RCAN2: variants seen among roughly 807,000 people sequenced by gnomAD.
RCAN2 encodes the protein calcipressin-2.
RCAN2 carries 9 observed loss-of-function variants against 23.6 expected under a neutral mutation model. The ratio of observed to expected loss-of-function variants is 0.38; its 90% confidence interval spans 0.23 to 0.67. The LOEUF (loss-of-function observed/expected upper bound fraction) is 0.67. RCAN2 is among the 30% of genes least tolerant of loss of function. RCAN2 has a pLI of 0.51. For missense variants in RCAN2, 273 were observed against 302.3 expected (o/e 0.90, Z 0.72); for synonymous variants, 109 against 115.7 (o/e 0.94, Z 0.37).
In RCAN2 at chr6:46,287,468, C is replaced by G. The variant is rs78911319; in HGVS notation, c.226-38572G>C. On this transcript the variant is annotated intron_variant, in intron 2 of 4. Coordinates refer to ENST00000371374, the MANE Select transcript of RCAN2 (RefSeq NM_001251974.2). Reference sequence around the variant, plus strand: ...CTCTTTTTCCCTCTGTGCTACCCCCCACTTCCCAAAATACACACACGTCTT... The same window carrying G: ...CTCTTTTTCCCTCTGTGCTACCCCCGACTTCCCAAAATACACACACGTCTT... 2.4e-3 allele frequency among the ~76,000 whole-genome samples: 359 copies of G among 152,318 alleles called. 4 individuals are homozygous for G. Among genetic ancestry groups the G allele is most frequent in the African/African-American group, 8.3e-3 (345 of 41,578 alleles).
At chr6:46,447,607 G>A (rs780328448) in intron 2 of RCAN2, among the ~76,000 whole-genome samples, 1 of 151,716 alleles carries the variant, frequency 6.6e-6, no homozygotes. Flanking sequence ...GCACAAAAAG[G>A]TCTTAACAAA....
chr6:46,263,125 T>C (rs1382434029), intron 2 of RCAN2, among the ~76,000 whole-genome samples: 1 of 152,244 alleles, frequency 6.6e-6, no homozygotes, highest in African/African-American at 2.4e-5. Flanking sequence ...GCCTACACTT[T>C]GGAAAGGGCT....
chr6:46,458,896 C>CACGCGT lies in RCAN2; in HGVS notation c.-2-1919_-2-1918insACGCGT, dbSNP rs139673559. On this transcript the variant is annotated intron_variant, in intron 1 of 4. Transcript: ENST00000371374. The stretch of plus-strand genomic sequence containing the variant: ...TAGTTTACAGGAAAACGCGCGCGCA[C>CACGCGT]GTGTGTGTGTGTGTGATGGAGTTTT... Among the ~76,000 whole-genome samples the CACGCGT allele has an allele frequency of 2.7e-5, 4 of 150,134 alleles. No individual in the cohort carries two copies. In the South Asian group the frequency reaches 6.4e-4, roughly 24 times the overall value.
chr6:46,376,818 T>A (rs957309053), intron 2 of RCAN2, among the ~76,000 whole-genome samples: 1 of 152,042 alleles, frequency 6.6e-6, no homozygotes, highest in African/African-American at 2.4e-5. Flanking sequence ...GTGGGCTACA[T>A]CTGTAACAGA....
intron 2 of RCAN2, among the ~76,000 whole-genome samples, chr6:46,414,363 G>A (rs1766639989): frequency 6.6e-6 from 1 of 152,182 alleles, no homozygotes; most frequent in Non-Finnish European, 1.5e-5. Context: ...GAGTGCAAAG[G>A]TGGGAAAGTT....
chr6:46,285,468 A>G (rs1039909869), intron 2 of RCAN2, among the ~76,000 whole-genome samples: 7 of 152,328 alleles, frequency 4.6e-5, no homozygotes, highest in South Asian at 4.1e-4. Flanking sequence ...CAAAGTCGCA[A>G]ATAAAGAGGT....
chr6:46,242,867 T>C (rs1390804405), intron 4 of RCAN2, among the ~76,000 whole-genome samples: 1 of 152,232 alleles, frequency 6.6e-6, no homozygotes. Context: ...TCTGGTCTAT[T>C]CCTTCGTTCA....
intron 1 of RCAN2, among the ~76,000 whole-genome samples, chr6:46,462,214 C>A (rs1167750688): frequency 1.3e-5 from 2 of 152,012 alleles, no homozygotes; most frequent in Non-Finnish European, 2.9e-5. Flanking sequence ...TGGGTGAAGA[C>A]CCTATTAGGA....
intron 2 of RCAN2, among the ~76,000 whole-genome samples, chr6:46,253,181 C>T (rs1401642096): frequency 6.6e-6 from 1 of 152,120 alleles, no homozygotes; most frequent in African/African-American, 2.4e-5. Flanking sequence ...TGATTTTTGC[C>T]ATTACTTTTA....
At chr6:46,412,625 C>A (rs1766579728) in intron 2 of RCAN2, among the ~76,000 whole-genome samples, 1 of 152,216 alleles carries the variant, frequency 6.6e-6, no homozygotes, top group Non-Finnish European at 1.5e-5. Context: ...AAGTCAAGAG[C>A]TTTGAGAAGG....
chr6:46,470,927 C>T (rs1768539896), intron 1 of RCAN2, among the ~76,000 whole-genome samples: 1 of 152,214 alleles, frequency 6.6e-6, no homozygotes, highest in African/African-American at 2.4e-5. Flanking sequence ...TCCTCATTCA[C>T]CTCATTCACC....
At chr6:46,479,973 T>A (rs1483641969) in intron 1 of RCAN2, among the ~76,000 whole-genome samples, 1 of 152,200 alleles carries the variant, frequency 6.6e-6, no homozygotes, top group East Asian at 1.9e-4. Flanking sequence ...ATAAGTCCAT[T>A]GTTCATTCCC....
intron 1 of RCAN2, among the ~76,000 whole-genome samples, chr6:46,477,863 C>T (rs1293822968): frequency 6.6e-6 from 1 of 152,122 alleles, no homozygotes; most frequent in Non-Finnish European, 1.5e-5. Flanking sequence ...AAGCTCCTAC[C>T]ATAAAATGGC....
chr6:46,263,507 GTGTGTATGTGTGTA>G (rs1399589580), intron 2 of RCAN2, among the ~76,000 whole-genome samples: 1 of 99,592 alleles, frequency 1.0e-5, no homozygotes, highest in African/African-American at 4.0e-5. Flanking sequence ...GTGTGTATGT[GTGTGTATGTGTGTA>G]TGTGTGTGTG....
intron 1 of RCAN2, among the ~76,000 whole-genome samples, chr6:46,482,454 T>C (rs2150447844): frequency 6.6e-6 from 1 of 152,170 alleles, no homozygotes; most frequent in Non-Finnish European, 1.5e-5. Flanking sequence ...GGATTGTGTT[T>C]TTGGAAATGG....
At chr6:46,236,785 C>A (rs1766116166) in intron 4 of RCAN2, among the ~76,000 whole-genome samples, 1 of 152,230 alleles carries the variant, frequency 6.6e-6, no homozygotes, top group Non-Finnish European at 1.5e-5. Flanking sequence ...TATCAGCATT[C>A]TATCAGTGCT....
At chr6:46,402,838 C>T (rs1453199708) in intron 2 of RCAN2, among the ~76,000 whole-genome samples, 5 of 152,176 alleles carry the variant, frequency 3.3e-5, no homozygotes, top group African/African-American at 4.8e-5. Flanking sequence ...TGTGTATACA[C>T]GTTTAATGTT....
At chr6:46,472,040 G>C (rs933477662) in intron 1 of RCAN2, among the ~76,000 whole-genome samples, 6 of 152,118 alleles carry the variant, frequency 3.9e-5, no homozygotes, top group Non-Finnish European at 7.4e-5. Context: ...TGGAGAACAG[G>C]AAACCTTGTT....
intron 1 of RCAN2, among the ~76,000 whole-genome samples, chr6:46,465,428 A>T (rs1294648194): frequency 6.6e-6 from 1 of 152,208 alleles, no homozygotes; most frequent in Non-Finnish European, 1.5e-5. Context: ...TATTTACAGC[A>T]TGGGCAGGGT....
Sources: gnomAD v4.1 joint callset for allele counts (sites outside exome capture counted in the v4.1 genomes callset) on GRCh38, gnomAD v4.1.1 for gene constraint, MANE v1.5 for transcripts, NCBI Gene and HGNC (gene_info 2026-07-23, HGNC 2026-07-21) for gene names.